Variants in PLPPR1 observed in about 807,000 individuals in gnomAD.
PLPPR1 encodes phospholipid phosphatase-related protein type 1.
A neutral mutation model predicts 33.1 loss-of-function variants in PLPPR1; 10 were observed. The ratio of observed to expected loss-of-function variants is 0.30; its 90% CI spans 0.19 to 0.51. The LOEUF (loss-of-function observed/expected upper bound fraction) is 0.51, where lower values mean the gene tolerates loss of function less well. PLPPR1 is among the 20% of genes least tolerant of loss of function. PLPPR1 has a pLI of 0.97. For synonymous variants in PLPPR1, 151 were observed against 151.0 expected, an observed-to-expected ratio of 1.00 and a Z score of 0.00; for missense variants, 304 against 408.1, an observed-to-expected ratio of 0.74 and a Z score of 2.20.
At chr9:101,162,539 A>G (rs538297099) in intron 1 of PLPPR1, among the ~76,000 whole-genome samples, 1 of 152,348 alleles carries the variant, frequency 6.6e-6, no homozygotes, top group Admixed American at 6.5e-5. Context: ...CAGCATATGT[A>G]CACATTGCTG....
chr9:101,132,355 T>C (rs1831323466), intron 1 of PLPPR1, among the ~76,000 whole-genome samples: 1 of 152,084 alleles, frequency 6.6e-6, no homozygotes, highest in Non-Finnish European at 1.5e-5. Context: ...TATCAAGCCA[T>C]GAAAAGACAT....
chr9:101,146,374 A>G (rs1831522167), intron 1 of PLPPR1, among the ~76,000 whole-genome samples: 1 of 152,198 alleles, frequency 6.6e-6, no homozygotes, highest in African/African-American at 2.4e-5. Context: ...AGGATACCTG[A>G]TATTAAGCCT....
chr9:101,301,710 T>C (rs1315556686), intron 4 of PLPPR1, among the ~76,000 whole-genome samples: 3 of 152,338 alleles, frequency 2.0e-5, no homozygotes, highest in South Asian at 4.1e-4. Flanking sequence ...ATAGGGCATA[T>C]GGATCAATTG....
At chr9:101,034,121 TAGGTACAGTGAGA>T (rs1829981779) in intron 1 of PLPPR1, among the ~76,000 whole-genome samples, 5 of 151,916 alleles carry the variant, frequency 3.3e-5, no homozygotes, top group Admixed American at 3.3e-4. Context: ...TATGGGGCTG[TAGGTACAGTGAGA>T]AGGTACAGTG....
At chr9:101,075,588 C>T (rs1830525806) in intron 1 of PLPPR1, among the ~76,000 whole-genome samples, 1 of 152,178 alleles carries the variant, frequency 6.6e-6, no homozygotes, top group Non-Finnish European at 1.5e-5. Context: ...TCTCTTGTGA[C>T]TAGAAAACTC....
At chr9:101,262,262 GA>G (rs2118882096) in intron 2 of PLPPR1, among the ~76,000 whole-genome samples, 1 of 152,258 alleles carries the variant, frequency 6.6e-6, no homozygotes, top group African/African-American at 2.4e-5. Context: ...TTTTTCAAAT[GA>G]AGGCACGAAA....
At chr9:101,088,399 GA>G (rs1260091651) in intron 1 of PLPPR1, among the ~76,000 whole-genome samples, 37 of 150,590 alleles carry the variant, frequency 2.5e-4, no homozygotes, top group Middle Eastern at 6.8e-3. Flanking sequence ...AATAATTATT[GA>G]AAAAAAGTAA....
chr9:101,262,473 C>G (rs1351155358), intron 2 of PLPPR1, among the ~76,000 whole-genome samples: 4 of 152,012 alleles, frequency 2.6e-5, no homozygotes, highest in African/African-American at 9.7e-5. Context: ...GATATGAGGT[C>G]TCATATTAAG....
chr9:101,059,254 T>C (rs778386719), intron 1 of PLPPR1, among the ~76,000 whole-genome samples: 2 of 152,098 alleles, frequency 1.3e-5, no homozygotes, highest in African/African-American at 2.4e-5. Flanking sequence ...TTATACACAC[T>C]CAAGAAGGAG....
chr9:101,305,107 A>C (rs376121889), intron 4 of PLPPR1, among the ~76,000 whole-genome samples: 1 of 152,130 alleles, frequency 6.6e-6, no homozygotes, highest in Non-Finnish European at 1.5e-5. Context: ...CAGGGGCCTG[A>C]TAGTATGAAA....
chr9:101,114,579 G>A (rs182169123), intron 1 of PLPPR1, among the ~76,000 whole-genome samples: 44 of 152,282 alleles, frequency 2.9e-4, no homozygotes, highest in African/African-American at 1.0e-3. Flanking sequence ...CTCCCCACTG[G>A]GAGGCAGGAA....
chr9:101,318,418 C>T (rs759171323), intron 7 of PLPPR1, among the ~76,000 whole-genome samples: 2 of 152,138 alleles, frequency 1.3e-5, no homozygotes, highest in East Asian at 3.9e-4. Context: ...TATATCATTA[C>T]TTGAACAACC....
intron 2 of PLPPR1, among the ~76,000 whole-genome samples, chr9:101,267,419 A>G (rs1298300423): frequency 1.3e-5 from 2 of 152,212 alleles, no homozygotes; most frequent in African/African-American, 4.8e-5. Flanking sequence ...GAAGGCTGGC[A>G]TAAAGGTTGG....
At position 101,323,405 on chromosome 9, in the gene PLPPR1, G is replaced by A. The variant is rs112167284; in HGVS notation, c.946-620G>A. ...ACCTACTCGGGAAGCTGAGATAGGA[G>A]GATCACTTGAGCCCAGCAGATCAAG... On this transcript the variant is annotated intron_variant, in intron 7 of 7. Transcript: ENST00000374874. Among the ~76,000 whole-genome samples, 5 of 150,256 alleles carry A rather than the reference G, an allele frequency of 3.3e-5. 1 individual carries two copies. The highest frequency in any genetic ancestry group is 2.2e-4 in the South Asian group (1 of 4,642).
intron 5 of PLPPR1, among the ~76,000 whole-genome samples, chr9:101,312,056 A>C (rs542185764): frequency 6.6e-6 from 1 of 152,360 alleles, no homozygotes; most frequent in East Asian, 1.9e-4. Flanking sequence ...AGGTGTCATA[A>C]CGTGTATCAT....
chr9:101,294,731 G>A, intron 4 of PLPPR1, among the ~76,000 whole-genome samples: 1 of 152,004 alleles, frequency 6.6e-6, no homozygotes. Flanking sequence ...ATGCAGAAAA[G>A]GCCTTTGACA....
intron 1 of PLPPR1, among the ~76,000 whole-genome samples, chr9:101,156,685 A>ACAAT (rs1831697944): frequency 6.6e-6 from 1 of 151,428 alleles, no homozygotes; most frequent in Non-Finnish European, 1.5e-5. Flanking sequence ...ATGAGACATA[A>ACAAT]TAATTCTGTC....
intron 2 of PLPPR1, among the ~76,000 whole-genome samples, chr9:101,237,041 A>G (rs1056339908): frequency 2.6e-5 from 4 of 151,836 alleles, no homozygotes; most frequent in African/African-American, 9.7e-5. Context: ...AAGACAACAT[A>G]CAAGTGTATC....
intron 1 of PLPPR1, among the ~76,000 whole-genome samples, chr9:101,068,288 A>G (rs1185585405): frequency 1.3e-5 from 2 of 151,878 alleles, no homozygotes; most frequent in Admixed American, 6.6e-5. Context: ...GAAAGATAAC[A>G]CTCCAGTGTC....
Sources: gnomAD v4.1 joint callset for allele counts (sites outside exome capture counted in the v4.1 genomes callset) on GRCh38, gnomAD v4.1.1 for gene constraint, MANE v1.5 for transcripts, NCBI Gene and HGNC (gene_info 2026-07-23, HGNC 2026-07-21) for gene names.